SHCBP1L: variants seen among roughly 807,000 people sequenced by gnomAD.
The protein encoded by SHCBP1L is SHC binding and spindle associated 1 like.
SHCBP1L carries 67 observed loss-of-function variants against 62.5 expected under a neutral mutation model. The ratio of observed to expected loss-of-function variants is 1.07; its 90% confidence interval spans 0.88 to 1.31. The LOEUF is 1.31. SHCBP1L is among the 40% of genes most tolerant of loss of function. The pLI is 0.00. For synonymous variants in SHCBP1L, 284 were observed against 289.4 expected (o/e 0.98, Z 0.19); for missense variants, 823 against 809.8 (o/e 1.02, Z -0.20).
intron 5 of SHCBP1L, among the ~76,000 whole-genome samples, chr1:182,934,857 A>AGGTT (rs1401533957): frequency 1.3e-5 from 2 of 152,122 alleles, no homozygotes; most frequent in Non-Finnish European, 2.9e-5. Context: ...GTCTGTATCT[A>AGGTT]GGTTCACGTT....
At chr1:182,902,845 G>A (rs955471352) in intron 9 of SHCBP1L, among the ~76,000 whole-genome samples, 194 bp downstream of exon 9, 2 of 152,108 alleles carry the variant, frequency 1.3e-5, no homozygotes, top group Non-Finnish European at 2.9e-5. Context: ...AAGAGTTTAA[G>A]TACAAATTAT....
At chr1:182,950,349 C>A (rs193241054) in intron 2 of SHCBP1L, among the ~76,000 whole-genome samples, 1 of 152,032 alleles carries the variant, frequency 6.6e-6, no homozygotes, top group African/African-American at 2.4e-5. Flanking sequence ...TTATTAGGGC[C>A]GGGTGCAGTG....
intron 1 of SHCBP1L, 60 bp from the exon 2 acceptor site, chr1:182,951,527 G>GT: frequency 1.8e-6 from 2 of 1,126,578 alleles, no homozygotes; most frequent in South Asian, 2.5e-5. Context: ...TTTAAACTAA[G>GT]TGGTTTTTTT....
chr1:182,919,017 A>G (rs1391110588), intron 6 of SHCBP1L, among the ~76,000 whole-genome samples: 2 of 152,224 alleles, frequency 1.3e-5, no homozygotes, highest in Non-Finnish European at 2.9e-5. Flanking sequence ...TTAACAACCT[A>G]TATATAAGAG....
chr1:182,911,252 G>C (rs1160869794), intron 6 of SHCBP1L, among the ~76,000 whole-genome samples: 5 of 152,118 alleles, frequency 3.3e-5, no homozygotes, highest in Non-Finnish European at 5.9e-5. Context: ...ACTATCTACT[G>C]AGATAACACA....
intron 5 of SHCBP1L, among the ~76,000 whole-genome samples, chr1:182,937,233 A>G (rs191621563): frequency 1.9e-3 from 276 of 146,528 alleles, no homozygotes; most frequent in African/African-American, 6.7e-3. Context: ...ATAAACTCTC[A>G]GTTTTGTTTG....
intron 6 of SHCBP1L, among the ~76,000 whole-genome samples, chr1:182,909,942 T>G (rs571116718): frequency 2.6e-5 from 4 of 152,280 alleles, no homozygotes; most frequent in South Asian, 4.1e-4. Flanking sequence ...GAAGTGGAAA[T>G]AAATGCAGAT....
chr1:182,945,108 C>T (rs114745708), intron 2 of SHCBP1L, among the ~76,000 whole-genome samples: 5,220 of 151,806 alleles, frequency 0.034, 216 homozygotes, highest in African/African-American at 0.094. Flanking sequence ...GGACTACAGG[C>T]GTGCGCCACC....
intron 6 of SHCBP1L, among the ~76,000 whole-genome samples, chr1:182,924,935 G>GAAGAAAGAAAGAAAGGAAGA (rs1650677462): frequency 1.6e-5 from 1 of 62,346 alleles, no homozygotes; most frequent in Non-Finnish European, 2.6e-5. Context: ...AGGAAGGAAG[G>GAAGAAAGAAAGAAAGGAAGA]AAGAAAGAAA....
intron 7 of SHCBP1L, 83 bp from the exon 8 acceptor site, chr1:182,904,513 A>T: frequency 7.1e-7 from 1 of 1,415,932 alleles, no homozygotes; most frequent in Admixed American, 1.9e-5. Flanking sequence ...TACTGCTGTT[A>T]CTAAAGTTTT....
At chr1:182,944,181 A>G (rs1651475016) in intron 2 of SHCBP1L, among the ~76,000 whole-genome samples, 1 of 141,648 alleles carries the variant, frequency 7.1e-6, no homozygotes, top group Non-Finnish European at 1.5e-5. Context: ...CGAGGCAGGC[A>G]GATCACCTGA....
chr1:182,905,701 T>C, intron 6 of SHCBP1L, 52 bp from the exon 7 acceptor site: 1 of 1,558,460 alleles, frequency 6.4e-7, no homozygotes, highest in Non-Finnish European at 8.7e-7. Context: ...AACTGAAACA[T>C]GTCATTTTAA....
At chr1:182,951,967 C>A (rs1252147627) in intron 1 of SHCBP1L, 1 of 338,352 alleles carries the variant, frequency 3.0e-6, no homozygotes, top group Non-Finnish European at 6.1e-6. Flanking sequence ...CCAGCCTGAC[C>A]AACTGGAGAA....
chr1:182,927,670 T>C (rs1205698514), intron 6 of SHCBP1L, among the ~76,000 whole-genome samples: 4 of 60,704 alleles, frequency 6.6e-5, no homozygotes, highest in African/African-American at 4.3e-4. Context: ...AGACTCCGTC[T>C]CAAAAAAAAA....
chr1:182,939,083 CT>C (rs1190230477), intron 5 of SHCBP1L, 92 bp downstream of exon 5: 4 of 985,260 alleles, frequency 4.1e-6, no homozygotes, highest in Non-Finnish European at 4.4e-6. Flanking sequence ...TTATACTTCA[CT>C]TTAATCAGAA....
intron 6 of SHCBP1L, among the ~76,000 whole-genome samples, chr1:182,923,487 T>C (rs1404172515): frequency 1.3e-5 from 2 of 152,056 alleles, no homozygotes; most frequent in Non-Finnish European, 2.9e-5. Flanking sequence ...ACAAACTGAA[T>C]CTAGTAGCAC....
chr1:182,929,575 C>G, intron 6 of SHCBP1L, 72 bp downstream of exon 6: 1 of 941,050 alleles, frequency 1.1e-6, no homozygotes, highest in Non-Finnish European at 1.5e-6. Flanking sequence ...AGGACTCCAC[C>G]CTCAGGGAGC....
chr1:182,904,552 T>C (rs1649950166), intron 7 of SHCBP1L, 122 bp from the exon 8 acceptor site: 2 of 825,778 alleles, frequency 2.4e-6, no homozygotes, highest in Non-Finnish European at 3.7e-6. Flanking sequence ...TGTGTGTGTG[T>C]GTGTGTGTGT....
intron 5 of SHCBP1L, among the ~76,000 whole-genome samples, chr1:182,932,575 A>G (rs949732466): frequency 6.6e-6 from 1 of 151,980 alleles, no homozygotes; most frequent in African/African-American, 2.4e-5. Context: ...GCTCACTGCA[A>G]CCTCTGCCTC....
Sources: allele counts gnomAD v4.1 joint callset (sites outside exome capture counted in the v4.1 genomes callset), GRCh38; gene constraint gnomAD v4.1.1; transcripts MANE v1.5; gene names NCBI Gene and HGNC (gene_info 2026-07-23, HGNC 2026-07-21).